The following ZFHX3 variants were observed in gnomAD, a reference collection of about 807,000 sequenced individuals.
ZFHX3 encodes zinc finger homeobox protein 3.
In ZFHX3, 42 loss-of-function variants were observed where a neutral mutation model predicts 279.1. That is an observed-to-expected ratio of 0.15 (90% CI 0.12 to 0.19). The LOEUF is 0.19. Among genes scored for constraint, ZFHX3 ranks in the 10% least tolerant of loss-of-function variants. The pLI is 1.00. For missense variants in ZFHX3, 4,981 were observed against 4,754.0 expected (o/e 1.05, Z -1.40); for synonymous variants, 2,293 against 1,957.8 (o/e 1.17, Z -4.52).
At chr16:73,275,289 T>A (rs2014264294) in intron 4 of ZFHX3, among the ~76,000 whole-genome samples, 1 of 152,086 alleles carries the variant, frequency 6.6e-6, no homozygotes, top group Admixed American at 6.6e-5. Context: ...AGGGGGTGAG[T>A]CAATGTGTGA....
chr16:73,572,186 A>C (rs1044709448), intron 2 of ZFHX3, among the ~76,000 whole-genome samples: 141 of 147,654 alleles, frequency 9.5e-4, no homozygotes, highest in African/African-American at 3.5e-3. Flanking sequence ...AAAAAAAAAA[A>C]CTTTTTCTGA....
chr16:73,701,511 G>T (rs889742527), intron 1 of ZFHX3, among the ~76,000 whole-genome samples: 2 of 152,136 alleles, frequency 1.3e-5, no homozygotes, highest in African/African-American at 2.4e-5. Context: ...GGCTGCAATT[G>T]TTCTGCCACT....
chr16:73,361,044 A>C (rs994417937), intron 3 of ZFHX3, among the ~76,000 whole-genome samples: 3 of 152,238 alleles, frequency 2.0e-5, no homozygotes, highest in African/African-American at 7.2e-5. Context: ...TGGCATTTTG[A>C]GTTTGAGGAT....
At chr16:73,535,318 A>G (rs1391328362) in intron 2 of ZFHX3, among the ~76,000 whole-genome samples, 1 of 152,238 alleles carries the variant, frequency 6.6e-6, no homozygotes, top group African/African-American at 2.4e-5. Flanking sequence ...TTCATTTTTA[A>G]TAAATGTTGT....
chr16:73,183,078 G>A (rs1967833595), intron 5 of ZFHX3, among the ~76,000 whole-genome samples: 3 of 152,236 alleles, frequency 2.0e-5, no homozygotes, highest in South Asian at 2.1e-4. Context: ...GGTGGTGGGC[G>A]CCTGTAGTCC....
At chr16:73,591,098 A>T (rs1244952427) in intron 2 of ZFHX3, among the ~76,000 whole-genome samples, 1 of 152,168 alleles carries the variant, frequency 6.6e-6, no homozygotes, top group Admixed American at 6.5e-5. Context: ...CATGCCCGTA[A>T]TCCCAGCACT....
At chr16:72,910,510 T>G (rs997594221) in intron 3 of ZFHX3, among the ~76,000 whole-genome samples, 2 of 152,188 alleles carry the variant, frequency 1.3e-5, no homozygotes, top group Non-Finnish European at 2.9e-5. Context: ...ATGTACACAG[T>G]CCTGCGTAGA....
chr16:73,225,035 A>G (rs955579873), intron 5 of ZFHX3, among the ~76,000 whole-genome samples: 5 of 152,170 alleles, frequency 3.3e-5, no homozygotes, highest in Non-Finnish European at 7.4e-5. Context: ...TGATTTAAAT[A>G]GATTTAGCCT....
intron 4 of ZFHX3, among the ~76,000 whole-genome samples, chr16:73,304,438 A>G (rs16971690): frequency 0.11 from 16,901 of 152,092 alleles, 967 homozygotes; most frequent in African/African-American, 0.12. Flanking sequence ...TGTGCACGTG[A>G]TCTTATGCGC....
At chr16:73,203,727 T>A (rs1283751238) in intron 5 of ZFHX3, among the ~76,000 whole-genome samples, 2 of 152,212 alleles carry the variant, frequency 1.3e-5, no homozygotes, top group Admixed American at 1.3e-4. Context: ...TAGCTAACAC[T>A]TACTGAGCAC....
intron 1 of ZFHX3, 108 bp from the exon 2 acceptor site, chr16:72,960,302 G>A (rs1438302372): frequency 3.5e-6 from 3 of 859,908 alleles, no homozygotes; most frequent in African/African-American, 1.7e-5. Context: ...AGCGCTCTAA[G>A]AGGCTTCTGT....
At chr16:72,847,841 G>A (rs2037516632) in intron 4 of ZFHX3, among the ~76,000 whole-genome samples, 1 of 152,032 alleles carries the variant, frequency 6.6e-6, no homozygotes, top group Non-Finnish European at 1.5e-5. Flanking sequence ...AACCCATCAC[G>A]GCTTAAAGCA....
chr16:73,380,580 G>A (rs1423734), intron 3 of ZFHX3, among the ~76,000 whole-genome samples: 130,356 of 152,272 alleles, frequency 0.86, 56,129 homozygotes, highest in African/African-American at 0.9. Context: ...TAGTAAAGAT[G>A]AATACACAAA....
intron 8 of ZFHX3, among the ~76,000 whole-genome samples, chr16:73,080,925 T>G (rs1420299962): frequency 3.3e-5 from 5 of 152,118 alleles, no homozygotes; most frequent in Non-Finnish European, 4.4e-5. Flanking sequence ...GAAAAAAGCT[T>G]CAGGTCTTTT....
intron 2 of ZFHX3, among the ~76,000 whole-genome samples, chr16:73,641,495 G>A (rs964499993): frequency 2.0e-5 from 3 of 152,164 alleles, no homozygotes; most frequent in Admixed American, 1.3e-4. Context: ...TAAAATCTCT[G>A]AGAAAATTAG....
chr16:73,516,429 T>C (rs2019523376), intron 2 of ZFHX3, among the ~76,000 whole-genome samples: 2 of 152,192 alleles, frequency 1.3e-5, no homozygotes, highest in South Asian at 2.1e-4. Flanking sequence ...CCAAAGTTTA[T>C]CCACTTTACC....
chr16:73,047,218 C>T (rs1299475909), intron 1 of ZFHX3, among the ~76,000 whole-genome samples: 1 of 152,126 alleles, frequency 6.6e-6, no homozygotes, highest in Non-Finnish European at 1.5e-5. Context: ...GCATCAGCTC[C>T]CCACCCCGCC....
At chr16:73,109,789 C>A (rs1224078612) in intron 7 of ZFHX3, among the ~76,000 whole-genome samples, 1 of 151,986 alleles carries the variant, frequency 6.6e-6, no homozygotes, top group African/African-American at 2.4e-5. Flanking sequence ...GCAGAGGTAG[C>A]AGTGAGCCAA....
intron 4 of ZFHX3, among the ~76,000 whole-genome samples, chr16:73,271,471 C>A (rs1400495879): frequency 1.3e-5 from 2 of 152,176 alleles, no homozygotes; most frequent in East Asian, 1.9e-4. Context: ...GAGCTTGGGG[C>A]AGATGCTTGA....
Sources: gnomAD v4.1 joint callset for allele counts (sites outside exome capture counted in the v4.1 genomes callset) on GRCh38, gnomAD v4.1.1 for gene constraint, MANE v1.5 for transcripts, NCBI Gene and HGNC (gene_info 2026-07-23, HGNC 2026-07-21) for gene names.